IQCK: variants seen among roughly 807,000 people sequenced by gnomAD.
The protein encoded by IQCK is IQ domain-containing protein K.
IQCK carries 29 observed loss-of-function variants against 28.1 expected under a neutral mutation model. The observed-to-expected ratio is 1.03, with a 90% CI of 0.77 to 1.41. The LOEUF is 1.41. Among genes scored for constraint, IQCK ranks in the 40% most tolerant of loss-of-function variants. The pLI is 0.00. For missense variants in IQCK, 359 were observed against 314.7 expected (o/e 1.14, Z -1.07); for synonymous variants, 113 against 115.1 (o/e 0.98, Z 0.12).
intron 7 of IQCK, among the ~76,000 whole-genome samples, chr16:19,820,129 G>A (rs1211361388): frequency 1.3e-5 from 2 of 151,936 alleles, no homozygotes; most frequent in Admixed American, 6.6e-5. Flanking sequence ...ACTCTTAGAA[G>A]AAAACATAGG....
downstream of IQCK, among the ~76,000 whole-genome samples, chr16:19,830,907 G>T (rs960797618): frequency 6.6e-6 from 1 of 152,192 alleles, no homozygotes; most frequent in African/African-American, 2.4e-5. Flanking sequence ...TGTCATGATA[G>T]TATTATTAAA....
intron 7 of IQCK, among the ~76,000 whole-genome samples, chr16:19,819,127 A>G (rs2056029396): frequency 6.6e-6 from 1 of 152,198 alleles, no homozygotes; most frequent in Admixed American, 6.5e-5. Flanking sequence ...TGAGTGTGTT[A>G]AGGCTGGGCT....
chr16:19,721,899 T>G (rs73541452), intron 1 of IQCK, among the ~76,000 whole-genome samples: 4 of 152,180 alleles, frequency 2.6e-5, no homozygotes, highest in Non-Finnish European at 5.9e-5. Context: ...TATTTTGATA[T>G]GCTGTGATTA....
chr16:19,735,259 C>G (rs1977974910), intron 3 of IQCK, 94 bp from the exon 4 acceptor site: 1 of 821,550 alleles, frequency 1.2e-6, no homozygotes, highest in Non-Finnish European at 2.1e-6. Context: ...ATTGAATGGA[C>G]AGTACCTTTT....
At chr16:19,833,200 A>G (rs562546583) in intron 9 of IQCK, among the ~76,000 whole-genome samples, 2 of 152,362 alleles carry the variant, frequency 1.3e-5, no homozygotes, top group South Asian at 4.1e-4. Context: ...TTAGATCCCC[A>G]GAACTTATTC....
At chr16:19,732,281 C>G (rs1359582832) in intron 2 of IQCK, among the ~76,000 whole-genome samples, 2 of 152,202 alleles carry the variant, frequency 1.3e-5, no homozygotes, top group Admixed American at 1.3e-4. Flanking sequence ...TTAACCATCA[C>G]AGTATCACGG....
intron 6 of IQCK, among the ~76,000 whole-genome samples, chr16:19,779,727 AT>A (rs931293785): frequency 2.0e-5 from 3 of 149,518 alleles, no homozygotes; most frequent in East Asian, 2.0e-4. Context: ...TTATTTATTT[AT>A]TTTTTTTGAG....
chr16:19,759,302 A>G (rs1480617930), intron 4 of IQCK, among the ~76,000 whole-genome samples: 1 of 152,092 alleles, frequency 6.6e-6, no homozygotes, highest in East Asian at 1.9e-4. Context: ...TCCGCCTCCC[A>G]GGTTCAAGCG....
chr16:19,816,237 G>A (rs1029263726), intron 7 of IQCK, among the ~76,000 whole-genome samples: 2 of 152,126 alleles, frequency 1.3e-5, no homozygotes, highest in Non-Finnish European at 2.9e-5. Context: ...AGAGTCCCAG[G>A]CAACAGTCTC....
At chr16:19,725,242 G>C (rs114434025) in intron 1 of IQCK, among the ~76,000 whole-genome samples, 7,851 of 152,114 alleles carry the variant, frequency 0.052, 671 homozygotes, top group African/African-American at 0.18. Context: ...CTGTCGCCCA[G>C]GCTGAAGTGC....
chr16:19,845,218 A>G (rs994229505), intron 9 of IQCK, among the ~76,000 whole-genome samples: 1 of 152,236 alleles, frequency 6.6e-6, no homozygotes, highest in African/African-American at 2.4e-5. Flanking sequence ...ACAGATTGAA[A>G]TAATTTCTCA....
intron 4 of IQCK, among the ~76,000 whole-genome samples, chr16:19,755,745 A>T (rs1008932987): frequency 6.6e-6 from 1 of 152,148 alleles, no homozygotes; most frequent in African/African-American, 2.4e-5. Flanking sequence ...TTTTACCTTT[A>T]CTGTGTCACT....
intron 1 of IQCK, among the ~76,000 whole-genome samples, chr16:19,728,136 G>A (rs1977718327): frequency 6.6e-6 from 1 of 152,046 alleles, no homozygotes; most frequent in Non-Finnish European, 1.5e-5. Flanking sequence ...CAGCAATCAA[G>A]TTGTGCATTA....
chr16:19,743,883 G>A lies in IQCK; in HGVS notation c.474+8433G>A, dbSNP rs1472007493. Among the ~76,000 whole-genome samples, 4 of 152,184 alleles carry A rather than the reference G, an allele frequency of 2.6e-5. No individual in the cohort carries two copies. The East Asian group carries it at 7.7e-4, about 29-fold the overall frequency. ...CATGAAACTCCAAGGAAGACCAGGG[G>A]GAACAGAGCAGACAGAGAAACAGCA... is the stretch of plus-strand genomic sequence containing the variant. On this transcript the variant is annotated intron_variant, in intron 4 of 7. Coordinates refer to ENST00000564186, the Ensembl canonical transcript of IQCK.
At position 19,857,599 on chromosome 16, in the gene IQCK, G is replaced by T. The variant is rs1014302529; in HGVS notation, c.*1051G>T. On this transcript the variant is annotated 3_prime_UTR_variant, in exon 10 of 10. Coordinates refer to the IQCK transcript ENST00000320394. ...ACCTGCTGAGAACTCCTGTAAGCTG[G>T]TATCATCATTGCATCATTGGATTAT... 33 of 334,852 alleles carry T rather than the reference G, an allele frequency of 9.9e-5. 1 individual carries two copies. In the East Asian group the frequency reaches 3.0e-3, roughly 30 times the overall value. 20.7% of individuals were successfully genotyped at this position (334,852 alleles called of 1,614,324 possible).
At chr16:19,774,398 CTTTTTTTTTTTTTTT>C (rs1167894201) in intron 6 of IQCK, among the ~76,000 whole-genome samples, 1 of 104,100 alleles carries the variant, frequency 9.6e-6, no homozygotes, top group Non-Finnish European at 1.9e-5. Context: ...TTAGCTAATA[CTTTTTTTTTTTTTTT>C]TTTTTTTTTT....
At chr16:19,769,421 A>C (rs1288397324) in intron 6 of IQCK, among the ~76,000 whole-genome samples, 2 of 152,224 alleles carry the variant, frequency 1.3e-5, no homozygotes, top group Admixed American at 1.3e-4. Flanking sequence ...GGGATCGTGA[A>C]CAAGCCCAAC....
intron 9 of IQCK, among the ~76,000 whole-genome samples, chr16:19,852,365 C>T (rs1567203033): frequency 6.6e-6 from 1 of 152,136 alleles, no homozygotes; most frequent in Non-Finnish European, 1.5e-5. Flanking sequence ...CGCACCACTG[C>T]ACTCCAGCCT....
At chr16:19,723,068 C>T (rs1420911487) in intron 1 of IQCK, among the ~76,000 whole-genome samples, 3 of 152,042 alleles carry the variant, frequency 2.0e-5, no homozygotes, top group African/African-American at 7.2e-5. Flanking sequence ...CTTATAGATT[C>T]TACCTGTTTA....
Sources: gnomAD v4.1 joint callset for allele counts (sites outside exome capture counted in the v4.1 genomes callset) on GRCh38, gnomAD v4.1.1 for gene constraint, MANE v1.5 for transcripts, NCBI Gene and HGNC (gene_info 2026-07-23, HGNC 2026-07-21) for gene names.